ADCY10: variants seen among roughly 807,000 people sequenced by gnomAD.
ADCY10 encodes the protein adenylate cyclase 10, also known as adenylate cyclase type 10.
ADCY10 carries 156 observed loss-of-function variants against 183.3 expected under a neutral mutation model. That is an observed-to-expected ratio of 0.85 (90% CI 0.75 to 0.97). The LOEUF (loss-of-function observed/expected upper bound fraction) is 0.97. ADCY10 is among the 50% of genes least tolerant of loss of function. The probability of loss-of-function intolerance (pLI) is 0.00; values close to 1 mark genes in which losing one functional copy is unlikely to be tolerated. For synonymous variants in ADCY10, 645 were observed against 670.0 expected (o/e 0.96, Z 0.58); for missense variants, 1,745 against 1,934.3 (o/e 0.90, Z 1.84).
chr1:167,811,495 G>C (rs1001862194), intron 31 of ADCY10, among the ~76,000 whole-genome samples: 3 of 152,216 alleles, frequency 2.0e-5, no homozygotes, highest in Admixed American at 2.0e-4. Context: ...GCTGAGGCAG[G>C]AGAATCGCTT....
chr1:167,839,875 A>C (rs551310576), intron 21 of ADCY10, among the ~76,000 whole-genome samples: 2 of 152,268 alleles, frequency 1.3e-5, no homozygotes, highest in South Asian at 4.1e-4. Flanking sequence ...TCAATCAGTA[A>C]AATGAAAATG....
In ADCY10 at chr1:167,847,950, C is replaced by G. The variant is rs185796994; in HGVS notation, c.2437+411G>C. Among the ~76,000 whole-genome samples, 15 of 152,334 alleles carry G rather than the reference C, an allele frequency of 9.8e-5. 1 individual carries two copies. Among genetic ancestry groups the G allele is most frequent in the Admixed American group, 9.1e-4 (14 of 15,304 alleles). On this transcript the variant is annotated intron_variant, in intron 19 of 32. Coordinates refer to ENST00000367851, the MANE Select transcript of ADCY10 (RefSeq NM_018417.6). The stretch of plus-strand genomic sequence containing the variant: ...AGCCTTCTCACTGCTTCAGGCAGTA[C>G]AGAGCAAACAGACAAACAACCAATG...
At chr1:167,824,440 T>TC (rs1299849676) in intron 28 of ADCY10, 36 bp downstream of exon 28, 1 of 1,562,844 alleles carries the variant, frequency 6.4e-7, no homozygotes, top group South Asian at 1.1e-5. Context: ...TACGGCCTCC[T>TC]CCCCCTAATT....
chr1:167,837,019 C>T (rs1664258856), intron 22 of ADCY10: 2 of 512,818 alleles, frequency 3.9e-6, no homozygotes, highest in Non-Finnish European at 7.0e-6. Context: ...AGCGAGACTC[C>T]ATCTTGAAAA....
chr1:167,883,740 G>A, intron 8 of ADCY10, 112 bp from the exon 9 acceptor site: 2 of 951,798 alleles, frequency 2.1e-6, no homozygotes, highest in East Asian at 2.5e-5. Context: ...CTCAGAATGG[G>A]TGAGGTACAA....
chr1:167,864,033 G>T (rs1195279343), intron 14 of ADCY10, among the ~76,000 whole-genome samples: 1 of 152,208 alleles, frequency 6.6e-6, no homozygotes, highest in African/African-American at 2.4e-5. Flanking sequence ...ATCACCCACG[G>T]TGTGCCTGTT....
chr1:167,867,811 T>C (rs1252062217), intron 14 of ADCY10, among the ~76,000 whole-genome samples: 1 of 151,798 alleles, frequency 6.6e-6, no homozygotes, highest in Non-Finnish European at 1.5e-5. Context: ...AGGAAATAAG[T>C]ATATCTGCCA....
rs757104736 is a variant in ADCY10, at chr1:167,845,656, A to G, written c.2914T>C (p.Phe972Leu). 1.9e-6 allele frequency: 3 copies of G among 1,614,266 alleles called. No individual in the cohort carries two copies. Among genetic ancestry groups the G allele is most frequent in the South Asian group, 1.1e-5 (1 of 91,088 alleles). ...HRCDHCRGRD[F>L]IPYHHFTVNI... is the part of the protein sequence containing the mutation. ...ACTGTGAAGTGATGATAGGGAATGA[A>G]GTCCCTGCCTCGGCAGTGGTCACAT... The change falls in exon 21 of 33, where the codon TTC becomes CTC. Residue 972 changes from phenylalanine to leucine, a missense_variant. Transcript: ENST00000367851.
At chr1:167,816,558 AAAAC>A (rs1662543004) in intron 31 of ADCY10, among the ~76,000 whole-genome samples, 1 of 152,116 alleles carries the variant, frequency 6.6e-6, no homozygotes, top group South Asian at 2.1e-4. Context: ...AAAAAAGAGA[AAAAC>A]AAAAAGTTTT....
At chr1:167,893,520 C>G (rs1162650881) in intron 8 of ADCY10, among the ~76,000 whole-genome samples, 2 of 151,736 alleles carry the variant, frequency 1.3e-5, no homozygotes, top group African/African-American at 4.8e-5. Context: ...TGAGATCAGT[C>G]AGGCCAACAT....
At position 167,863,158 on chromosome 1, in the gene ADCY10, G is replaced by T. The variant is rs143615966; in HGVS notation, c.1617-2095C>A. ...AAAGGAAAGAAAAGTGAAATTAAAG[G>T]CAGATAGCCCGGCGCCTAGGAACCA... On this transcript the variant is annotated intron_variant, in intron 14 of 32. Transcript: ENST00000367851. Among the ~76,000 whole-genome samples, 1,162 of 152,236 alleles carry T rather than the reference G, an allele frequency of 7.6e-3. 7 individuals are homozygous for T. Among genetic ancestry groups the T allele is most frequent in the Middle Eastern group, 0.017 (5 of 294 alleles).
At chr1:167,880,707 T>C (rs770893167) in intron 9 of ADCY10, 98 bp from the exon 10 acceptor site, 2 of 842,152 alleles carry the variant, frequency 2.4e-6, no homozygotes, top group Admixed American at 1.7e-5. Context: ...AATTTTTGGC[T>C]TCTGAATCAG....
chr1:167,837,430 C>G lies in ADCY10; in HGVS notation c.3008-112G>C, dbSNP rs943748312. The G allele has an allele frequency of 7.6e-5, 66 of 871,750 alleles. No individual in the cohort carries two copies. In the Admixed American group the frequency reaches 1.3e-3, roughly 17 times the overall value. 54.0% of individuals were successfully genotyped at this position (871,750 alleles called of 1,614,324 possible). A position where few individuals can be genotyped will look rare whatever the true frequency, so the allele number is the denominator to read the frequency against. On this transcript the variant is annotated intron_variant, in intron 21 of 32. Coordinates refer to ENST00000367851, the MANE Select transcript of ADCY10 (RefSeq NM_018417.6). The stretch of plus-strand genomic sequence containing the variant: ...CTTTTCGGAGTTGTTGCTGCCCAGC[C>G]AGAAACCACATTGCCTAGTCCCCAT...
chr1:167,834,308 A>C (rs1664026049), intron 23 of ADCY10: 1 of 585,064 alleles, frequency 1.7e-6, no homozygotes, highest in Admixed American at 3.0e-5. Context: ...TCACTCCATC[A>C]AGAGAATGAA....
At chr1:167,901,045 T>C (rs1288165617) in intron 5 of ADCY10, among the ~76,000 whole-genome samples, 1 of 152,228 alleles carries the variant, frequency 6.6e-6, no homozygotes, top group African/African-American at 2.4e-5. Context: ...TTTTCATCTA[T>C]GAAATGGATA....
At position 167,904,943 on chromosome 1, in the gene ADCY10, C is replaced by T. The variant is rs755866442; in HGVS notation, c.148+50G>A. On this transcript the variant is annotated intron_variant, in intron 2 of 32. Coordinates refer to ENST00000367851, the MANE Select transcript of ADCY10 (RefSeq NM_018417.6). ...ATCAAGCTCTGCATGTGAATTCCCA[C>T]GCGAGCCTGTTGCTCATCCACATTA... 60 of 1,613,482 alleles carry T rather than the reference C, an allele frequency of 3.7e-5. No homozygotes were observed. In the East Asian group the frequency reaches 5.3e-4, roughly 14 times the overall value.
chr1:167,879,975 C>T, intron 11 of ADCY10, 140 bp downstream of exon 11: 1 of 742,914 alleles, frequency 1.3e-6, no homozygotes, highest in Non-Finnish European at 2.4e-6. Context: ...GGCTCCATGG[C>T]TTGGCTCCAT....
intron 15 of ADCY10, 147 bp downstream of exon 15, chr1:167,860,724 C>T: frequency 1.4e-6 from 1 of 692,140 alleles, no homozygotes; most frequent in East Asian, 2.6e-5. Context: ...TGTTGATGCA[C>T]ATCCAGAGAG....
intron 18 of ADCY10, among the ~76,000 whole-genome samples, chr1:167,853,513 A>G (rs1384953317): frequency 1.3e-5 from 2 of 152,190 alleles, no homozygotes; most frequent in East Asian, 1.9e-4. Context: ...GGGAGTGGAA[A>G]CAAAAAAAGT....
Sources: gnomAD v4.1 joint callset for allele counts (sites outside exome capture counted in the v4.1 genomes callset) on GRCh38, gnomAD v4.1.1 for gene constraint, MANE v1.5 for transcripts, NCBI Gene and HGNC (gene_info 2026-07-23, HGNC 2026-07-21) for gene names.